The following NLRP9 variants were observed in gnomAD, a reference collection of about 807,000 sequenced individuals.
The protein encoded by NLRP9 is NACHT, LRR and PYD domains-containing protein 9.
A neutral mutation model predicts 83.1 loss-of-function variants in NLRP9; 88 were observed. The observed-to-expected ratio is 1.06, with a 90% CI of 0.89 to 1.26. The LOEUF is 1.26. NLRP9 is among the 50% of genes most tolerant of loss of function. The pLI is 0.00. For missense variants in NLRP9, 1,308 were observed against 1,179.3 expected (o/e 1.11, Z -1.60); for synonymous variants, 521 against 447.6 (o/e 1.16, Z -2.07).
intron 4 of NLRP9, among the ~76,000 whole-genome samples, chr19:55,717,322 C>T (rs1027435861): frequency 5.9e-5 from 9 of 152,072 alleles, no homozygotes; most frequent in Admixed American, 4.6e-4. Flanking sequence ...GATGAGCCAC[C>T]GCGCCCGGCC....
Position 55,711,789 on chromosome 19 carries a change from T to A in NLRP9, c.2843+11A>T, listed in dbSNP as rs1383960053. On this transcript the variant is annotated intron_variant, in intron 8 of 8. Transcript: ENST00000332836. ...AAGTCACTCACCCCAAAGGAAACAG[T>A]GTCCACTCACCCCAGCATCTGCAGG... 6.2e-6 allele frequency: 10 copies of A among 1,611,784 alleles called. No individual in the cohort carries two copies. The East Asian group carries it at 2.2e-4, about 36-fold the overall frequency.
intron 4 of NLRP9, among the ~76,000 whole-genome samples, chr19:55,719,774 C>A (rs1988164930): frequency 6.6e-6 from 1 of 152,138 alleles, no homozygotes; most frequent in South Asian, 2.1e-4. Context: ...GAAGCCTGTG[C>A]AAATGTTCAT....
At chr19:55,724,245 C>T in intron 3 of NLRP9, 101 bp from the exon 4 acceptor site, 1 of 743,720 alleles carries the variant, frequency 1.3e-6, no homozygotes, top group Non-Finnish European at 2.1e-6. Context: ...CTGGGCCTCA[C>T]CACACTGTTT....
intron 2 of NLRP9, among the ~76,000 whole-genome samples, chr19:55,731,317 A>G (rs756374223): frequency 6.6e-6 from 1 of 151,140 alleles, no homozygotes; most frequent in Non-Finnish European, 1.5e-5. Context: ...CGCACAAGCT[A>G]TGGAGGGGGA....
chr19:55,718,568 C>T (rs1374695815), intron 4 of NLRP9, among the ~76,000 whole-genome samples: 3 of 152,198 alleles, frequency 2.0e-5, no homozygotes, highest in East Asian at 1.9e-4. Flanking sequence ...ATCTAGCCTA[C>T]GTGCACATAC....
At position 55,712,719 on chromosome 19, in the gene NLRP9, G is replaced by A. The variant is rs192159048; in HGVS notation, c.2502-129C>T. On this transcript the variant is annotated intron_variant, in intron 6 of 8. Transcript: ENST00000332836. Reference sequence around the variant, plus strand: ...TCTGAGATGATGAGGAGGGTGGGGAGGGGAAGGAGGAGAGAAGAATGAGGG... The same window carrying A: ...TCTGAGATGATGAGGAGGGTGGGGAAGGGAAGGAGGAGAGAAGAATGAGGG... 1.7e-5 allele frequency: 12 copies of A among 717,914 alleles called. No homozygotes were observed. The East Asian group carries it at 3.3e-4, about 20-fold the overall frequency. The allele number at this position is 717,914 out of a possible 1,614,324, so 44.5% of individuals were successfully genotyped here.
chr19:55,733,460 T>G lies in NLRP9; in HGVS notation c.371A>C (p.Tyr124Ser). The change falls in exon 2 of 9, where the codon TAC becomes TCC. Residue 124 changes from tyrosine to serine, a missense_variant. Physicochemically the swap from Tyr to Ser is moderately radical, Grantham distance 144. Coordinates refer to ENST00000332836, the MANE Select transcript of NLRP9 (RefSeq NM_176820.4). ...ETCLHVPEHF[Y>S]KETMKNEYKE... ...ATACTCATTTTTCATGGTTTCTTTG[T>G]AGAAATGCTCAGGGACGTGAAGACA... 1 of 1,613,970 alleles carries G rather than the reference T, an allele frequency of 6.2e-7. No individual in the cohort carries two copies. Among genetic ancestry groups the G allele is most frequent in the Non-Finnish European group, 8.5e-7 (1 of 1,179,848 alleles).
At chr19:55,734,016 G>A (rs1182803265) in intron 1 of NLRP9, among the ~76,000 whole-genome samples, 4 of 146,200 alleles carry the variant, frequency 2.7e-5, no homozygotes, top group Non-Finnish European at 4.5e-5. Context: ...TCCGCCTCCC[G>A]GGTTCACGCC....
Position 55,715,123 on chromosome 19 carries a change from C to T in NLRP9, c.2433G>A (p.Leu811=). The T allele has an allele frequency of 6.2e-7, 1 of 1,613,292 alleles. No homozygotes were observed. The highest frequency in any genetic ancestry group is 8.5e-7 in the Non-Finnish European group (1 of 1,179,904). ...ACAGAGATGCCACTCCATTATCTTC[C>T]AGGGCATTTGAGCCCAGATCGAGGA... ...LSLLDLGSNA[L]EDNGVASLCA... The change falls in exon 6 of 9, where the codon CTG becomes CTA. Residue 811 remains leucine (L), a synonymous_variant. Coordinates refer to ENST00000332836, the MANE Select transcript of NLRP9 (RefSeq NM_176820.4).
Position 55,738,081 on chromosome 19 carries a change from C to T in NLRP9, c.280+14G>A. 3 of 1,613,312 alleles carry T rather than the reference C, an allele frequency of 1.9e-6. No homozygotes were observed. The highest frequency in any genetic ancestry group is 2.5e-6 in the Non-Finnish European group (3 of 1,179,468). The stretch of plus-strand genomic sequence containing the variant: ...CTTCCCCCATGGGTCCTCGCCCCAT[C>T]ATCCAGCACTTACTTCTCATCTCTT... On this transcript the variant is annotated intron_variant, in intron 1 of 8. Coordinates refer to ENST00000332836, the MANE Select transcript of NLRP9 (RefSeq NM_176820.4).
rs1266377700 is a variant in NLRP9, at chr19:55,732,498, G to T, written c.1333C>A (p.His445Asn). ...GCACAAAACTCTTGGATACACAGAT[G>T]CATGAAGGCAAAACAGTCCCCTCTC... ...QRRGDCFAFM[H>N]LCIQEFCAAM... The change falls in exon 2 of 9, where the codon CAT becomes AAT. Residue 445 changes from histidine to asparagine, a missense_variant. Physicochemically the swap from His to Asn is moderately conservative, Grantham distance 68. Transcript: ENST00000332836. 2 of 1,614,188 alleles carry T rather than the reference G, an allele frequency of 1.2e-6. No homozygotes were observed. The highest frequency in any genetic ancestry group is 2.2e-5 in the South Asian group (2 of 91,078).
At chr19:55,716,947 C>T in intron 4 of NLRP9, 49 bp from the exon 5 acceptor site, 1 of 1,513,772 alleles carries the variant, frequency 6.6e-7, no homozygotes, top group Non-Finnish European at 9.1e-7. Flanking sequence ...TTCAATCGCT[C>T]ATGAAACATT....
chr19:55,732,812 C>A lies in NLRP9; in HGVS notation c.1019G>T (p.Cys340Phe), dbSNP rs1451327045. 7 of 1,614,146 alleles carry A rather than the reference C, an allele frequency of 4.3e-6. No homozygotes were observed. The highest frequency in any genetic ancestry group is 5.9e-6 in the Non-Finnish European group (7 of 1,180,024). ...LFILCHNPFT[C>F]WLVCTCVKQR... ...TTTCACACAAGTACAGACCAACCAG[C>A]ACGTAAAGGGATTATGGCACAAGAT... Residue 340 changes from cysteine to phenylalanine, a missense_variant, in exon 2 of 9, where the codon TGC becomes TTC. Physicochemically the swap from Cys to Phe is radical, Grantham distance 205 (BLOSUM62 -2). Coordinates refer to ENST00000332836, the MANE Select transcript of NLRP9 (RefSeq NM_176820.4).
intron 3 of NLRP9, among the ~76,000 whole-genome samples, chr19:55,727,168 C>G (rs997415029): frequency 4.6e-5 from 7 of 152,120 alleles, no homozygotes; most frequent in Non-Finnish European, 8.8e-5. Flanking sequence ...AGGAGCATTG[C>G]TTGAACCTGG....
chr19:55,729,947 G>A lies in NLRP9; in HGVS notation c.1878C>T (p.Phe626=). The A allele has an allele frequency of 6.2e-7, 1 of 1,613,488 alleles. No individual in the cohort carries two copies. Among genetic ancestry groups the A allele is most frequent in the Non-Finnish European group, 8.5e-7 (1 of 1,179,656 alleles). Residue 626 remains phenylalanine (F), a synonymous_variant, in exon 3 of 9, where the codon TTC becomes TTT. Coordinates refer to ENST00000332836, the MANE Select transcript of NLRP9 (RefSeq NM_176820.4). ...AAATCTGGAAGTTCTTGTTGGTAATGAACATTGAGCAAAGCTCCCGCCAGT... is the reference window on the plus strand; with the variant it reads ...AAATCTGGAAGTTCTTGTTGGTAATAAACATTGAGCAAAGCTCCCGCCAGT... ...LVYWRELCSM[F]ITNKNFQILD... is the part of the protein sequence containing the mutation.
In NLRP9 at chr19:55,733,332, A is replaced by G. The variant is rs768719949; in HGVS notation, c.499T>C (p.Leu167=). Residue 167 remains leucine, a synonymous_variant, in exon 2 of 9, where the codon TTG becomes CTG. Transcript: ENST00000332836. ...GKTTLLRKVM[L]DWAEGNLWKD... ...CATAAGTTTCCCTCTGCCCAGTCCA[A>G]CATCACTTTTCTTAAAAGGGTTGTT... 34 of 1,614,016 alleles carry G rather than the reference A, an allele frequency of 2.1e-5. No homozygotes were observed. In the South Asian group the frequency reaches 3.4e-4, roughly 16 times the overall value.
Position 55,708,757 on chromosome 19 carries a change from C to T in NLRP9, c.*155G>A. 1.9e-6 allele frequency: 1 copy of T among 529,854 alleles called. No homozygotes were observed. The highest frequency in any genetic ancestry group is 3.3e-6 in the Non-Finnish European group (1 of 300,286). The allele number at this position is 529,854 out of a possible 1,614,324, so 32.8% of individuals were successfully genotyped here. On this transcript the variant is annotated 3_prime_UTR_variant, in exon 9 of 9. Transcript: ENST00000332836. ...GACAATCAGCATGTACACTGAATCA[C>T]ACTCCATAATCATATTGCTAGAACA...
At chr19:55,737,700 G>A (rs1365292125) in intron 1 of NLRP9, 8 of 142,694 alleles carry the variant, frequency 5.6e-5, no homozygotes, top group Non-Finnish European at 1.1e-4. Context: ...GGGAGTTCAA[G>A]ACCAGCCTGA....
intron 1 of NLRP9, among the ~76,000 whole-genome samples, chr19:55,734,634 T>A (rs1332963297): frequency 2.1e-5 from 2 of 94,244 alleles, no homozygotes; most frequent in African/African-American, 3.8e-5. Flanking sequence ...TATATATATA[T>A]ATATTTTTTT....
Sources: allele counts gnomAD v4.1 joint callset (sites outside exome capture counted in the v4.1 genomes callset), GRCh38; gene constraint gnomAD v4.1.1; transcripts MANE v1.5; gene names NCBI Gene and HGNC (gene_info 2026-07-23, HGNC 2026-07-21).